Variants in ATP10D observed in about 807,000 individuals in gnomAD.
The protein encoded by ATP10D is phospholipid-transporting ATPase VD.
Under a neutral mutation model 144.8 loss-of-function variants are expected in ATP10D, and 89 were observed. The ratio of observed to expected loss-of-function variants is 0.61; its 90% CI spans 0.52 to 0.73. The LOEUF is 0.73. ATP10D is among the 30% of genes least tolerant of loss of function. ATP10D has a pLI of 0.00. For missense variants in ATP10D, 1,603 were observed against 1,714.8 expected (o/e 0.93, Z 1.15); for synonymous variants, 571 against 615.1 (o/e 0.93, Z 1.06).
At chr4:47,504,282 CT>C (rs755401635) in intron 1 of ATP10D, among the ~76,000 whole-genome samples, 40 of 152,030 alleles carry the variant, frequency 2.6e-4, no homozygotes, top group Non-Finnish European at 4.4e-4. Context: ...GAAGAAAAAC[CT>C]TTTTTTTGTA....
intron 22 of ATP10D, among the ~76,000 whole-genome samples, chr4:47,589,744 G>T (rs542253858): frequency 1.3e-5 from 2 of 152,100 alleles, no homozygotes; most frequent in South Asian, 2.1e-4. Context: ...GTTTTATATA[G>T]AATTTTATGA....
At chr4:47,582,523 A>G (rs557115713) in intron 21 of ATP10D, among the ~76,000 whole-genome samples, 1 of 152,314 alleles carries the variant, frequency 6.6e-6, no homozygotes, top group Non-Finnish European at 1.5e-5. Flanking sequence ...ATAAAATATG[A>G]AAGCCCTAAG....
intron 1 of ATP10D, among the ~76,000 whole-genome samples, chr4:47,502,249 C>T (rs529784689): frequency 5.2e-4 from 79 of 152,190 alleles, no homozygotes; most frequent in Admixed American, 1.8e-3. Context: ...CCGAGGCGGG[C>T]GGATCACGAG....
chr4:47,550,242 T>G lies in ATP10D; in HGVS notation c.1635+3380T>G, dbSNP rs558953543. Among the ~76,000 whole-genome samples, 4 of 152,300 alleles carry G rather than the reference T, an allele frequency of 2.6e-5. No individual in the cohort carries two copies. The East Asian group carries it at 7.7e-4, about 29-fold the overall frequency. On this transcript the variant is annotated intron_variant, in intron 10 of 22. Transcript: ENST00000273859. ...TTTTAAAGTTTTGCATAAACAATTA[T>G]AGTGGGCTGCTGCTTCTCTCTGTTT...
At chr4:47,586,993 T>C in intron 21 of ATP10D, 26 bp from the exon 22 acceptor site, 1 of 1,603,068 alleles carries the variant, frequency 6.2e-7, no homozygotes, top group Non-Finnish European at 8.5e-7. Flanking sequence ...AGAGCATTCA[T>C]TTCCTCTGCT....
At chr4:47,488,608 TAAGCAAAAAAA>T (rs1309849757) in intron 1 of ATP10D, among the ~76,000 whole-genome samples, 1 of 21,472 alleles carries the variant, frequency 4.7e-5, no homozygotes, top group Non-Finnish European at 1.1e-4. Context: ...AGAAATATAA[TAAGCAAAAAAA>T]AAAAAAAAAA....
At chr4:47,519,622 G>A (rs79760021) in intron 3 of ATP10D, among the ~76,000 whole-genome samples, 2,708 of 152,266 alleles carry the variant, frequency 0.018, 74 homozygotes, top group African/African-American at 0.062. Flanking sequence ...CTTTCCCACC[G>A]TGCTCTCTGA....
At chr4:47,526,998 CA>C (rs892825653) in intron 5 of ATP10D, among the ~76,000 whole-genome samples, 4 of 151,894 alleles carry the variant, frequency 2.6e-5, no homozygotes, top group Non-Finnish European at 5.9e-5. Context: ...ATAACTAAAG[CA>C]ATTTTGAAAA....
chr4:47,525,670 G>A (rs1406694174), intron 5 of ATP10D, 28 bp downstream of exon 5: 1 of 1,525,904 alleles, frequency 6.6e-7, no homozygotes. Context: ...AACATTTGTG[G>A]GTGTAAGTGG....
intron 10 of ATP10D, among the ~76,000 whole-genome samples, chr4:47,550,119 G>A (rs531677542): frequency 6.6e-6 from 1 of 152,178 alleles, no homozygotes; most frequent in African/African-American, 2.4e-5. Context: ...ACCTTGGGTA[G>A]AGGTGGAACT....
chr4:47,531,086 A>T (rs1285923579), intron 5 of ATP10D, among the ~76,000 whole-genome samples: 1 of 150,744 alleles, frequency 6.6e-6, no homozygotes, highest in South Asian at 2.1e-4. Flanking sequence ...GGTATCAGCT[A>T]TTTTTTTTTG....
chr4:47,550,089 A>T (rs527354118), intron 10 of ATP10D, among the ~76,000 whole-genome samples: 1 of 152,120 alleles, frequency 6.6e-6, no homozygotes, highest in African/African-American at 2.4e-5. Flanking sequence ...GTAGAGTGGC[A>T]TCCAGCAATG....
intron 15 of ATP10D, among the ~76,000 whole-genome samples, chr4:47,568,400 G>A (rs1241105700): frequency 6.6e-6 from 1 of 152,182 alleles, no homozygotes. Context: ...CTTACACTAG[G>A]AGTTTTGCCT....
intron 19 of ATP10D, among the ~76,000 whole-genome samples, chr4:47,578,045 G>A (rs1217715278): frequency 2.0e-5 from 3 of 152,168 alleles, no homozygotes; most frequent in Admixed American, 2.0e-4. Flanking sequence ...CTTGGGAGAC[G>A]TGAGATCATT....
At chr4:47,519,117 A>C (rs772921503) in intron 3 of ATP10D, among the ~76,000 whole-genome samples, 2 of 152,234 alleles carry the variant, frequency 1.3e-5, no homozygotes, top group Non-Finnish European at 2.9e-5. Flanking sequence ...TATTGGAAAC[A>C]TACTAAAAAT....
At chr4:47,571,346 AT>A (rs1312190230) in intron 16 of ATP10D, among the ~76,000 whole-genome samples, 1 of 148,912 alleles carries the variant, frequency 6.7e-6, no homozygotes, top group Non-Finnish European at 1.5e-5. Flanking sequence ...ATTATGTAAT[AT>A]ATAACAATTA....
intron 9 of ATP10D, 53 bp from the exon 10 acceptor site, chr4:47,546,571 A>G (rs1718442764): frequency 3.3e-6 from 5 of 1,504,594 alleles, no homozygotes; most frequent in Non-Finnish European, 3.7e-6. Flanking sequence ...GATATATTCA[A>G]CTTACAAGTG....
chr4:47,491,236 C>T, intron 1 of ATP10D: 1 of 778,548 alleles, frequency 1.3e-6, no homozygotes, highest in Admixed American at 1.7e-5. Context: ...AACTTGTTTA[C>T]AACAATGCCA....
intron 1 of ATP10D, among the ~76,000 whole-genome samples, chr4:47,492,425 C>T (rs925882854): frequency 1.3e-5 from 2 of 152,064 alleles, no homozygotes; most frequent in African/African-American, 4.8e-5. Context: ...TTATTGGGAT[C>T]GGGTATTTAT....
Sources: allele counts gnomAD v4.1 joint callset (sites outside exome capture counted in the v4.1 genomes callset), GRCh38; gene constraint gnomAD v4.1.1; transcripts MANE v1.5; gene names NCBI Gene and HGNC (gene_info 2026-07-23, HGNC 2026-07-21).